RALGAPA2: variants seen among roughly 807,000 people sequenced by gnomAD.
The protein encoded by RALGAPA2 is ral GTPase-activating protein subunit alpha-2.
RALGAPA2 carries 139 observed loss-of-function variants against 230.4 expected under a neutral mutation model. The observed-to-expected ratio is 0.60, with a 90% CI of 0.53 to 0.69. The LOEUF is 0.69. Ranked by LOEUF, RALGAPA2 falls within the 30% of genes least tolerant of loss-of-function variation. The probability of loss-of-function intolerance (pLI) is 0.00; values close to 1 mark genes in which losing one functional copy is unlikely to be tolerated. For synonymous variants in RALGAPA2, 847 were observed against 837.8 expected (o/e 1.01, Z -0.19); for missense variants, 2,163 against 2,276.0 (o/e 0.95, Z 1.01).
chr20:20,503,457 C>A lies in RALGAPA2; in HGVS notation c.5102G>T (p.Gly1701Val). 6.2e-7 allele frequency: 1 copy of A among 1,606,250 alleles called. No individual in the cohort carries two copies. The highest frequency in any genetic ancestry group is 8.5e-7 in the Non-Finnish European group (1 of 1,176,598). ...GTAAGGGGCCGTCTGCCCGGTGCTG[C>A]CATTGCGCTGAAGGCCACCCATGAA... ...CGFMGGLQRN[G>V]STGQTAPYYA... Residue 1701 changes from glycine to valine, a missense_variant, in exon 35 of 40, where the codon GGC becomes GTC. Gly to Val is a moderately radical substitution (Grantham distance 109, BLOSUM62 -3). Coordinates refer to ENST00000202677, the MANE Select transcript of RALGAPA2 (RefSeq NM_020343.4).
At chr20:20,496,236 G>A (rs544965528) in intron 35 of RALGAPA2, among the ~76,000 whole-genome samples, 10 of 152,102 alleles carry the variant, frequency 6.6e-5, no homozygotes, top group Non-Finnish European at 1.5e-4. Flanking sequence ...TTACTAGAAA[G>A]ATCTCCAAAA....
At chr20:20,528,579 G>A (rs897477140) in intron 27 of RALGAPA2, among the ~76,000 whole-genome samples, 3 of 152,148 alleles carry the variant, frequency 2.0e-5, no homozygotes, top group African/African-American at 7.2e-5. Context: ...GAAGGAGCAG[G>A]GCTGGGCAGT....
chr20:20,426,038 G>C (rs2060376264), intron 37 of RALGAPA2, among the ~76,000 whole-genome samples: 1 of 152,182 alleles, frequency 6.6e-6, no homozygotes. Context: ...TCCATCTGTA[G>C]GCATGGCTGG....
intron 36 of RALGAPA2, 99 bp downstream of exon 36, chr20:20,495,018 A>C: frequency 1.8e-6 from 2 of 1,104,448 alleles, no homozygotes; most frequent in Non-Finnish European, 2.6e-6. Context: ...CAACTGGATG[A>C]GAGTCCCCTT....
At chr20:20,690,249 C>G (rs1433433019) in intron 1 of RALGAPA2, among the ~76,000 whole-genome samples, 1 of 152,040 alleles carries the variant, frequency 6.6e-6, no homozygotes, top group Non-Finnish European at 1.5e-5. Flanking sequence ...CTCAAGATAA[C>G]CCTGGCCCCT....
At chr20:20,625,742 G>C (rs1033318965) in intron 10 of RALGAPA2, among the ~76,000 whole-genome samples, 4 of 152,056 alleles carry the variant, frequency 2.6e-5, no homozygotes, top group African/African-American at 9.7e-5. Flanking sequence ...CTACGAATAG[G>C]TCACAACAGG....
At chr20:20,502,252 T>C (rs960895737) in intron 35 of RALGAPA2, among the ~76,000 whole-genome samples, 1 of 152,176 alleles carries the variant, frequency 6.6e-6, no homozygotes, top group African/African-American at 2.4e-5. Context: ...TCCAGACATC[T>C]GTGGCTGCAG....
chr20:20,517,774 T>C (rs1250086274), intron 31 of RALGAPA2, among the ~76,000 whole-genome samples: 2 of 138,512 alleles, frequency 1.4e-5, no homozygotes, highest in African/African-American at 5.4e-5. Flanking sequence ...TAATAAACTA[T>C]AAACATTAAA....
chr20:20,507,110 C>G lies in RALGAPA2; in HGVS notation c.4929-1576G>C, dbSNP rs182963708. 8.7e-4 allele frequency among the ~76,000 whole-genome samples: 132 copies of G among 152,226 alleles called. 1 individual carries two copies. The highest frequency in any genetic ancestry group is 3.3e-4 in the Admixed American group (5 of 15,288). On this transcript the variant is annotated intron_variant, in intron 33 of 39. Transcript: ENST00000202677. ...TTTTCACTTAAAATATTTGTGAACA[C>G]TTTTTTATTGTGGTAAAATATACAT... is the stretch of plus-strand genomic sequence containing the variant.
chr20:20,492,206 GTTT>G (rs1012793330), intron 36 of RALGAPA2, among the ~76,000 whole-genome samples: 6 of 151,276 alleles, frequency 4.0e-5, no homozygotes, highest in East Asian at 3.9e-4. Context: ...TACTGATGAG[GTTT>G]TTTTTTCTCC....
In RALGAPA2 at chr20:20,406,224, G is replaced by A. The variant is rs142108632; in HGVS notation, c.5617+5803C>T. ...GGTCACACCCCAGACCAATAAATCC[G>A]AATCTAGTGGAGGGACTCAAGCATC... On this transcript the variant is annotated intron_variant, in intron 38 of 39. Coordinates refer to ENST00000202677, the MANE Select transcript of RALGAPA2 (RefSeq NM_020343.4). Among the ~76,000 whole-genome samples the A allele has an allele frequency of 4.5e-3, 690 of 151,918 alleles. 2 individuals are homozygous for A. The highest frequency in any genetic ancestry group is 0.016 in the African/African-American group (645 of 41,408).
At chr20:20,656,849 T>C (rs2067605329) in intron 3 of RALGAPA2, among the ~76,000 whole-genome samples, 1 of 152,038 alleles carries the variant, frequency 6.6e-6, no homozygotes, top group Non-Finnish European at 1.5e-5. Context: ...ACTCTGGAAC[T>C]GAGAATAAGA....
chr20:20,689,647 A>T (rs2068830847), intron 1 of RALGAPA2, among the ~76,000 whole-genome samples: 1 of 152,244 alleles, frequency 6.6e-6, no homozygotes, highest in African/African-American at 2.4e-5. Context: ...TCTCAAAAAG[A>T]TAAAAATAAA....
chr20:20,591,141 T>C (rs757740027), intron 17 of RALGAPA2, 36 bp downstream of exon 17: 13 of 1,603,160 alleles, frequency 8.1e-6, no homozygotes, highest in Non-Finnish European at 1.1e-5. Flanking sequence ...TGCCAGAATC[T>C]ATAGTTCTGT....
chr20:20,688,425 C>A (rs768295257), intron 1 of RALGAPA2, among the ~76,000 whole-genome samples: 2 of 152,180 alleles, frequency 1.3e-5, no homozygotes, highest in Non-Finnish European at 2.9e-5. Flanking sequence ...AAGACTCCAG[C>A]CCCAGTGCTA....
intron 37 of RALGAPA2, among the ~76,000 whole-genome samples, chr20:20,440,428 G>C (rs1277423021): frequency 1.3e-5 from 2 of 152,152 alleles, no homozygotes; most frequent in Non-Finnish European, 2.9e-5. Flanking sequence ...TTCCCAGCCT[G>C]TATTAAATAG....
rs750134328 is a variant in RALGAPA2 at position 20,520,943 on chromosome 20, A to G, written c.4058T>C (p.Leu1353Ser). The G allele has an allele frequency of 6.2e-6, 10 of 1,611,998 alleles. No homozygotes were observed. The highest frequency in any genetic ancestry group is 7.6e-6 in the Non-Finnish European group (9 of 1,178,522). Residue 1353 changes from leucine (L) to serine (S), a missense_variant, in exon 31 of 40, where the codon TTG becomes TCG. Transcript: ENST00000202677. ...EPVQYHSSAE[L>S]GNLLTVEEEK... ...CTCTTCAACAGTCAGCAGGTTACCC[A>G]ATTCTGCTGATGAATGATACTGGAC... is the stretch of plus-strand genomic sequence containing the variant.
In RALGAPA2 at chr20:20,670,944, C is replaced by T. The variant is rs1171067051; in HGVS notation, c.270+5292G>A. 9.9e-5 allele frequency among the ~76,000 whole-genome samples: 14 copies of T among 142,066 alleles called. No individual in the cohort carries two copies. The East Asian group carries it at 2.0e-3, about 21-fold the overall frequency. 93.2% of individuals were successfully genotyped at this position (142,066 alleles called of 152,430 possible). A position where few individuals can be genotyped will look rare whatever the true frequency, so the allele number is the denominator to read the frequency against. On this transcript the variant is annotated intron_variant, in intron 3 of 39. Transcript: ENST00000202677. ...CAGCCTGGGCGACAGAGCAAGACTCCGTCTCAAAAAAAAAAAAAAAAAAAA... is the reference window on the plus strand; with the variant it reads ...CAGCCTGGGCGACAGAGCAAGACTCTGTCTCAAAAAAAAAAAAAAAAAAAA...
intron 38 of RALGAPA2, 51 bp from the exon 39 acceptor site, chr20:20,396,785 AG>A (rs200582186): frequency 0.011 from 12,294 of 1,167,686 alleles, 214 homozygotes; most frequent in African/African-American, 0.074. Flanking sequence ...ACACCCCCAC[AG>A]CTCCAACTTG....
Sources: gnomAD v4.1 joint callset for allele counts (sites outside exome capture counted in the v4.1 genomes callset) on GRCh38, gnomAD v4.1.1 for gene constraint, MANE v1.5 for transcripts, NCBI Gene and HGNC (gene_info 2026-07-23, HGNC 2026-07-21) for gene names.